The following OSBPL9 variants were observed in gnomAD, a reference collection of about 807,000 sequenced individuals.
The protein encoded by OSBPL9 is oxysterol binding protein like 9.
Under a neutral mutation model 106.6 loss-of-function variants are expected in OSBPL9, and 40 were observed. The observed-to-expected ratio is 0.38, with a 90% CI of 0.29 to 0.49. The LOEUF (loss-of-function observed/expected upper bound fraction) is 0.49, where lower values mean the gene tolerates loss of function less well. Ranked by LOEUF, OSBPL9 falls within the 20% of genes least tolerant of loss-of-function variation. The probability of loss-of-function intolerance (pLI) is 0.97; values close to 1 mark genes in which losing one functional copy is unlikely to be tolerated. For missense variants in OSBPL9, 609 were observed against 887.2 expected (o/e 0.69, Z 3.98); for synonymous variants, 269 against 295.4 (o/e 0.91, Z 0.92).
At chr1:51,778,398 GA>G (rs1247247975) in intron 15 of OSBPL9, among the ~76,000 whole-genome samples, 8 of 152,142 alleles carry the variant, frequency 5.3e-5, no homozygotes, top group Non-Finnish European at 8.8e-5. Context: ...TTTCAAGAGA[GA>G]AACTTTAAAG....
chr1:51,595,061 G>A (rs560627414), intron 1 of OSBPL9, among the ~76,000 whole-genome samples: 1 of 152,302 alleles, frequency 6.6e-6, no homozygotes, highest in South Asian at 2.1e-4. Flanking sequence ...CAGGGGCGGG[G>A]GCTGAGATCA....
intron 1 of OSBPL9, among the ~76,000 whole-genome samples, chr1:51,640,079 A>G (rs1645694902): frequency 6.6e-6 from 1 of 151,892 alleles, no homozygotes. Context: ...CAATCCTCCC[A>G]CTTCAGCCTC....
intron 2 of OSBPL9, among the ~76,000 whole-genome samples, chr1:51,666,113 G>A (rs1340507506): frequency 6.6e-6 from 1 of 152,156 alleles, no homozygotes; most frequent in African/African-American, 2.4e-5. Flanking sequence ...CTCCCAAAGG[G>A]CTAGGATTAC....
At chr1:51,761,388 G>A (rs1350744696) in intron 10 of OSBPL9, among the ~76,000 whole-genome samples, 8 of 151,698 alleles carry the variant, frequency 5.3e-5, no homozygotes, top group Non-Finnish European at 1.2e-4. Flanking sequence ...CTATGTTCTC[G>A]ATGGCATAGT....
chr1:51,705,788 T>C (rs1432235692), intron 3 of OSBPL9, among the ~76,000 whole-genome samples: 2 of 152,252 alleles, frequency 1.3e-5, no homozygotes, highest in Non-Finnish European at 2.9e-5. Flanking sequence ...TTGTTAGATG[T>C]TGATCGATTT....
chr1:51,647,904 C>T (rs1341634298), intron 1 of OSBPL9, among the ~76,000 whole-genome samples: 9 of 152,102 alleles, frequency 5.9e-5, no homozygotes. Flanking sequence ...TGCTTGAGCT[C>T]AGGAGTAGCC....
chr1:51,546,736 G>C, the OSBPL9 span, among the ~76,000 whole-genome samples: 1 of 150,946 alleles, frequency 6.6e-6, no homozygotes, highest in Non-Finnish European at 1.5e-5. Context: ...CTAGATAAGA[G>C]AATGGGAGAA....
At chr1:51,720,227 A>G (rs1661823898) in intron 4 of OSBPL9, among the ~76,000 whole-genome samples, 1 of 152,236 alleles carries the variant, frequency 6.6e-6, no homozygotes, top group Admixed American at 6.5e-5. Context: ...GAATGAAAAC[A>G]CAGGAGATTG....
At chr1:51,691,722 C>CT (rs1655009024) in intron 3 of OSBPL9, among the ~76,000 whole-genome samples, 1 of 151,810 alleles carries the variant, frequency 6.6e-6, no homozygotes, top group Admixed American at 6.6e-5. Flanking sequence ...TCCTTATTCT[C>CT]TAAGCTTTTT....
chr1:51,730,592 G>A (rs1278025270), intron 4 of OSBPL9, among the ~76,000 whole-genome samples: 3 of 152,202 alleles, frequency 2.0e-5, no homozygotes. Context: ...ATAGTTTTAT[G>A]GGGTTCTTAG....
intron 1 of OSBPL9, among the ~76,000 whole-genome samples, chr1:51,585,782 T>A (rs1024431787): frequency 9.6e-5 from 14 of 145,800 alleles, no homozygotes; most frequent in Non-Finnish European, 9.1e-5. Context: ...TCTCAAAAAA[T>A]AAATAAATAA....
At chr1:51,577,533 A>G (rs1265663549) in intron 1 of OSBPL9, among the ~76,000 whole-genome samples, 2 of 152,002 alleles carry the variant, frequency 1.3e-5, no homozygotes, top group African/African-American at 4.8e-5. Context: ...TAGGCCTCCC[A>G]AAGTGCTGGG....
intron 2 of OSBPL9, among the ~76,000 whole-genome samples, chr1:51,668,359 C>T (rs1469383706): frequency 2.0e-5 from 3 of 152,182 alleles, no homozygotes; most frequent in Non-Finnish European, 4.4e-5. Flanking sequence ...TGGTGGCGCA[C>T]TCCTGTAATC....
At chr1:51,616,414 C>T (rs1031220518), upstream of OSBPL9, among the ~76,000 whole-genome samples, 2 of 152,282 alleles carry the variant, frequency 1.3e-5, no homozygotes, top group East Asian at 1.9e-4. Flanking sequence ...CCTCAAGATG[C>T]CACGCTCACT....
At chr1:51,616,084 G>C (rs1402842824), upstream of OSBPL9, among the ~76,000 whole-genome samples, 2 of 143,662 alleles carry the variant, frequency 1.4e-5, no homozygotes, top group African/African-American at 5.2e-5. Flanking sequence ...ATGCAATCTC[G>C]GCTCCGAGGT....
intron 9 of OSBPL9, chr1:51,757,052 T>C (rs1670495020): frequency 6.6e-6 from 1 of 152,210 alleles, no homozygotes; most frequent in South Asian, 2.1e-4. Flanking sequence ...TAGTCTGTAT[T>C]CCTGAAGCAG....
intron 7 of OSBPL9, among the ~76,000 whole-genome samples, 176 bp downstream of exon 7, chr1:51,748,574 A>G (rs557047398): frequency 6.6e-6 from 1 of 152,368 alleles, no homozygotes; most frequent in African/African-American, 2.4e-5. Context: ...TAATACTAAT[A>G]GAATAAGCCC....
chr1:51,573,642 C>T (rs1570522139), upstream of OSBPL9, among the ~76,000 whole-genome samples: 1 of 151,306 alleles, frequency 6.6e-6, no homozygotes. Flanking sequence ...GGTGAGACCC[C>T]GTCTCTACTA....
chr1:51,536,280 C>T, the OSBPL9 span, among the ~76,000 whole-genome samples: 1 of 152,064 alleles, frequency 6.6e-6, no homozygotes, highest in Non-Finnish European at 1.5e-5. Context: ...ACTTAACTGT[C>T]ATGACTTTTA....
Sources: gnomAD v4.1 joint callset for allele counts (sites outside exome capture counted in the v4.1 genomes callset) on GRCh38, gnomAD v4.1.1 for gene constraint, MANE v1.5 for transcripts, NCBI Gene and HGNC (gene_info 2026-07-23, HGNC 2026-07-21) for gene names.